Variants in DAGLA observed in about 807,000 individuals in gnomAD.
DAGLA encodes the protein diacylglycerol lipase alpha.
A neutral mutation model predicts 102.6 loss-of-function variants in DAGLA; 22 were observed. That is an observed-to-expected ratio of 0.21 (90% CI 0.15 to 0.31). DAGLA has a LOEUF of 0.31. Among genes scored for constraint, DAGLA ranks in the 10% least tolerant of loss-of-function variants. The pLI, the probability that DAGLA is intolerant of heterozygous loss-of-function variation, is 1.00. For synonymous variants in DAGLA, 578 were observed against 628.9 expected (o/e 0.92, Z 1.21); for missense variants, 927 against 1,446.6 (o/e 0.64, Z 5.83).
chr11:61,700,794 C>T (rs1199446360), intron 1 of DAGLA, among the ~76,000 whole-genome samples: 3 of 152,238 alleles, frequency 2.0e-5, no homozygotes, highest in Non-Finnish European at 4.4e-5. Flanking sequence ...CTGGGACACA[C>T]CCAGAGAGTG....
At chr11:61,716,172 G>A (rs550984343) in intron 1 of DAGLA, among the ~76,000 whole-genome samples, 283 of 152,286 alleles carry the variant, frequency 1.9e-3, no homozygotes, top group African/African-American at 6.6e-3. Flanking sequence ...CAGAGGTGTG[G>A]CGATGGGTAC....
At chr11:61,707,057 T>G (rs1042675222) in intron 1 of DAGLA, among the ~76,000 whole-genome samples, 1 of 152,138 alleles carries the variant, frequency 6.6e-6, no homozygotes, top group Non-Finnish European at 1.5e-5. Flanking sequence ...CTGCGGATAG[T>G]TAGGGGGGCC....
chr11:61,735,438 C>A, intron 10 of DAGLA, 123 bp from the exon 11 acceptor site: 2 of 824,316 alleles, frequency 2.4e-6, no homozygotes, highest in Non-Finnish European at 3.9e-6. Flanking sequence ...GCCTTTCTGG[C>A]GGCAGAGGCT....
chr11:61,682,188 A>C (rs954707267), intron 1 of DAGLA, among the ~76,000 whole-genome samples: 1 of 152,198 alleles, frequency 6.6e-6, no homozygotes, highest in Admixed American at 6.5e-5. Flanking sequence ...TGACTTCACC[A>C]ATCAAGGCAT....
At chr11:61,713,705 G>C (rs1482837140) in intron 1 of DAGLA, among the ~76,000 whole-genome samples, 1 of 152,228 alleles carries the variant, frequency 6.6e-6, no homozygotes, top group Non-Finnish European at 1.5e-5. Context: ...CCTAGCTGGG[G>C]TGGAGCCTCT....
chr11:61,740,493 T>G lies in DAGLA; in HGVS notation c.1884T>G (p.Phe628Leu). ...GTGAGCAGGAGGAGCCCACATACTT[T>G]GCCATCTGGGGCGACAACAAGGCCT... ...CCCEQEEPTY[F>L]AIWGDNKAFN... Residue 628 changes from phenylalanine to leucine, a missense_variant, in exon 18 of 20, where the codon TTT becomes TTG. Physicochemically the swap from Phe to Leu is conservative, Grantham distance 22 (BLOSUM62 0). This residue lies in a region of DAGLA where 218 missense variants were observed against 459.6 expected (regional missense o/e 0.47). Coordinates refer to ENST00000257215, the MANE Select transcript of DAGLA (RefSeq NM_006133.3). The G allele has an allele frequency of 1.2e-6, 2 of 1,613,814 alleles. No homozygotes were observed. The highest frequency in any genetic ancestry group is 1.7e-6 in the Non-Finnish European group (2 of 1,179,950).
In DAGLA at chr11:61,693,699, C is replaced by T. The variant is rs78770738; in HGVS notation, c.-45+13195C>T. Among the ~76,000 whole-genome samples, 476 of 152,330 alleles carry T rather than the reference C, an allele frequency of 3.1e-3. 2 individuals are homozygous for T. The highest frequency in any genetic ancestry group is 0.011 in the African/African-American group (440 of 41,566). ...GTCAGCGTGTCTGGTCTGGGGTCCC[C>T]GGTCACAGTGCACCTGCCCTGCCTG... On this transcript the variant is annotated intron_variant, in intron 1 of 19. Coordinates refer to ENST00000257215, the MANE Select transcript of DAGLA (RefSeq NM_006133.3).
At chr11:61,721,981 G>A (rs1261038141) in intron 3 of DAGLA, among the ~76,000 whole-genome samples, 1 of 152,220 alleles carries the variant, frequency 6.6e-6, no homozygotes, top group Non-Finnish European at 1.5e-5. Flanking sequence ...GCCCCCATGA[G>A]GCCAGCAGAT....
intron 4 of DAGLA, 114 bp from the exon 5 acceptor site, chr11:61,723,320 T>C: frequency 2.1e-6 from 3 of 1,429,742 alleles, no homozygotes; most frequent in Non-Finnish European, 2.9e-6. Context: ...GCCTGGCTTT[T>C]GTCCCCAGAA....
intron 1 of DAGLA, among the ~76,000 whole-genome samples, chr11:61,705,185 A>G (rs962367413): frequency 1.3e-5 from 2 of 152,162 alleles, no homozygotes; most frequent in South Asian, 2.1e-4. Context: ...TGCCCGCCCA[A>G]TTGCACGGGC....
At chr11:61,720,311 T>G in intron 2 of DAGLA, 61 bp downstream of exon 2, 1 of 1,533,220 alleles carries the variant, frequency 6.5e-7, no homozygotes, top group Non-Finnish European at 9.0e-7. Context: ...GGAAGGACGC[T>G]TTCTGGCCAT....
In DAGLA at chr11:61,735,565, A is replaced by G; in HGVS notation, c.1133A>G (p.Tyr378Cys). The G allele has an allele frequency of 1.9e-6, 3 of 1,613,956 alleles. No individual in the cohort carries two copies. Among genetic ancestry groups the G allele is most frequent in the Non-Finnish European group, 2.5e-6 (3 of 1,179,898 alleles). ...IVYTSCHDAV[Y>C]ETPFYVAVDH... ...CACGAGCTGCCCGCCTCCTAGGTCT[A>G]TGAAACGCCCTTCTACGTGGCGGTG... The change falls in exon 11 of 20, where the codon TAT becomes TGT. Residue 378 changes from tyrosine to cysteine, a missense_variant. Physicochemically the swap from Tyr to Cys is radical, Grantham distance 194. Transcript: ENST00000257215.
At chr11:61,718,812 G>A (rs1186552615) in intron 1 of DAGLA, among the ~76,000 whole-genome samples, 1 of 152,202 alleles carries the variant, frequency 6.6e-6, no homozygotes, top group Non-Finnish European at 1.5e-5. Flanking sequence ...GGGATAGGGA[G>A]GCGGGCCGGG....
At position 61,733,047 on chromosome 11, in the gene DAGLA, C is replaced by T. The variant is rs192420810; in HGVS notation, c.974+1606C>T. Among the ~76,000 whole-genome samples the T allele has an allele frequency of 2.8e-3, 419 of 152,334 alleles. 4 individuals carry two copies. Among genetic ancestry groups the T allele is most frequent in the Admixed American group, 7.3e-3 (111 of 15,304 alleles). ...GTCACCGGAGAAGCGAGGAGCCACT[C>T]GTTATTAAGAACCTATTATAGGCCA... On this transcript the variant is annotated intron_variant, in intron 9 of 19. Transcript: ENST00000257215.
chr11:61,731,299 C>T lies in DAGLA; in HGVS notation c.850-18C>T. 2 of 1,612,992 alleles carry T rather than the reference C, an allele frequency of 1.2e-6. No homozygotes were observed. The highest frequency in any genetic ancestry group is 1.7e-6 in the Non-Finnish European group (2 of 1,179,554). ...AGGAAGGGCAGGAGGTGACCGCCCT[C>T]TGCCTCCTCTCTTCTAGCAAGAGAT... On this transcript the variant is annotated intron_variant, in intron 8 of 19. Transcript: ENST00000257215.
chr11:61,731,449 C>G lies in DAGLA; in HGVS notation c.974+8C>G. The G allele has an allele frequency of 1.2e-6, 2 of 1,612,880 alleles. No homozygotes were observed. The highest frequency in any genetic ancestry group is 2.2e-5 in the South Asian group (2 of 91,062). ...ACTGGCTCGGTCCTGCTCGTGAGTA[C>G]CCCTGTCCCATCCCCCAGCGATTGC... On this transcript the variant is annotated splice_region_variant and intron_variant, in intron 9 of 19. Transcript: ENST00000257215.
Position 61,743,923 on chromosome 11 carries a change from CCCCTGGAGGCGG to C in DAGLA, c.2570_2581del (p.Glu857_Leu860del). ...GTCCAAGCACTCACAGGACACGCAG[CCCCTGGAGGCGG>C]CCCTGGGCAGTGGCGGCGTCACTCC... On this transcript the variant is annotated inframe_deletion, in exon 20 of 20. Transcript: ENST00000257215. The C allele has an allele frequency of 6.2e-7, 1 of 1,612,146 alleles. No homozygotes were observed. The highest frequency in any genetic ancestry group is 8.5e-7 in the Non-Finnish European group (1 of 1,179,772).
At chr11:61,713,208 C>CT (rs1364934048) in intron 1 of DAGLA, among the ~76,000 whole-genome samples, 1 of 152,178 alleles carries the variant, frequency 6.6e-6, no homozygotes, top group Non-Finnish European at 1.5e-5. Flanking sequence ...TAAGAAGAGG[C>CT]TTAGAGCCAG....
intron 1 of DAGLA, among the ~76,000 whole-genome samples, chr11:61,718,819 C>T (rs1267949355): frequency 1.3e-5 from 2 of 152,198 alleles, no homozygotes; most frequent in African/African-American, 2.4e-5. Flanking sequence ...GGAGGCGGGC[C>T]GGGCGGACAT....
Sources: gnomAD v4.1 joint callset for allele counts (sites outside exome capture counted in the v4.1 genomes callset) on GRCh38, gnomAD v4.1.1 for gene constraint, gnomAD v4.1.1 regional missense constraint, MANE v1.5 for transcripts, NCBI Gene and HGNC (gene_info 2026-07-23, HGNC 2026-07-21) for gene names.